ZFHX3: variants seen among roughly 807,000 people sequenced by gnomAD.
ZFHX3 encodes zinc finger homeobox 3.
Under a neutral mutation model 279.1 loss-of-function variants are expected in ZFHX3, and 42 were observed. The observed-to-expected ratio is 0.15, with a 90% CI of 0.12 to 0.19. ZFHX3 has a LOEUF of 0.19. Ranked by LOEUF, ZFHX3 falls within the 10% of genes least tolerant of loss-of-function variation. The pLI is 1.00. For missense variants in ZFHX3, 4,981 were observed against 4,754.0 expected, an observed-to-expected ratio of 1.05 and a Z score of -1.40; for synonymous variants, 2,293 against 1,957.8, an observed-to-expected ratio of 1.17 and a Z score of -4.52.
At chr16:72,922,057 G>T (rs887360218) in intron 3 of ZFHX3, among the ~76,000 whole-genome samples, 1 of 152,180 alleles carries the variant, frequency 6.6e-6, no homozygotes, top group Non-Finnish European at 1.5e-5. Context: ...CCTGCAGCAC[G>T]GTAGGCACGC....
chr16:73,107,989 G>A (rs575448211), intron 7 of ZFHX3, among the ~76,000 whole-genome samples: 2,032 of 152,152 alleles, frequency 0.013, 36 homozygotes, highest in African/African-American at 0.046. Context: ...GTGAAACCCA[G>A]TCTCTACTAA....
intron 1 of ZFHX3, among the ~76,000 whole-genome samples, chr16:73,786,138 TG>T (rs1959637752): frequency 1.3e-5 from 2 of 152,170 alleles, no homozygotes; most frequent in African/African-American, 4.8e-5. Context: ...CCCAAAGTGC[TG>T]GGATTACAGG....
intron 2 of ZFHX3, chr16:73,610,019 A>G (rs1277227576): frequency 1.3e-5 from 2 of 152,102 alleles, no homozygotes; most frequent in Non-Finnish European, 1.5e-5. Flanking sequence ...GATTCTGTGT[A>G]GTAGAGTTGA....
intron 3 of ZFHX3, among the ~76,000 whole-genome samples, chr16:72,930,664 A>G (rs1022693571): frequency 8.5e-5 from 13 of 152,360 alleles, no homozygotes; most frequent in Admixed American, 2.6e-4. Flanking sequence ...GCCACTGCCA[A>G]TAGTGAATAA....
intron 1 of ZFHX3, among the ~76,000 whole-genome samples, chr16:73,887,590 G>A (rs188464622): frequency 2.0e-5 from 3 of 152,226 alleles, no homozygotes; most frequent in Admixed American, 6.5e-5. Context: ...TTGTCAGATG[G>A]AATGAAGTGA....
intron 2 of ZFHX3, among the ~76,000 whole-genome samples, chr16:73,539,093 CTAAT>C (rs1422478268): frequency 6.6e-6 from 1 of 152,092 alleles, no homozygotes; most frequent in Non-Finnish European, 1.5e-5. Flanking sequence ...AAAACAGAAA[CTAAT>C]AGCCTATGTT....
At chr16:73,637,777 T>C (rs996501162) in intron 2 of ZFHX3, among the ~76,000 whole-genome samples, 1 of 152,170 alleles carries the variant, frequency 6.6e-6, no homozygotes, top group African/African-American at 2.4e-5. Context: ...AGTTTGCATA[T>C]TGCATAAAAG....
chr16:73,586,042 T>A (rs2051922419), intron 2 of ZFHX3, among the ~76,000 whole-genome samples: 2 of 152,052 alleles, frequency 1.3e-5, no homozygotes, highest in South Asian at 4.2e-4. Flanking sequence ...AATTCTAAAC[T>A]AAGAAAATAG....
At chr16:73,840,269 T>C (rs537842344) in intron 1 of ZFHX3, among the ~76,000 whole-genome samples, 1 of 152,042 alleles carries the variant, frequency 6.6e-6, no homozygotes, top group Non-Finnish European at 1.5e-5. Context: ...GGGGCAGGAA[T>C]CCACCCATGT....
chr16:72,958,058 C>G lies in ZFHX3; in HGVS notation c.2088G>C (p.Glu696Asp). 6.2e-7 allele frequency: 1 copy of G among 1,613,868 alleles called. No individual in the cohort carries two copies. Among genetic ancestry groups the G allele is most frequent in the Non-Finnish European group, 8.5e-7 (1 of 1,180,042 alleles). Residue 696 changes from glutamate (E) to aspartate (D), a missense_variant, in exon 2 of 10, where the codon GAG (glutamate) becomes GAC (aspartate). By Grantham distance (45) the Glu-to-Asp change is conservative. Around this residue, in one of 7 missense-constraint regions of ZFHX3, gnomAD observed 1,068 missense variants for 935.2 expected, o/e 1.14. Transcript: ENST00000268489. Reference sequence around the variant, plus strand: ...TGCAGTAGACACAGGAGCCCCCCGGCTCCGGGTGCTTCTCCTTCATGTGTG... The same window carrying G: ...TGCAGTAGACACAGGAGCCCCCCGGGTCCGGGTGCTTCTCCTTCATGTGTG... Reference protein sequence around the residue: ...LEAHMKEKHPEPGGSCVYCKS... With the variant: ...LEAHMKEKHPDPGGSCVYCKS...
chr16:73,650,664 T>C (rs1464014412), intron 2 of ZFHX3, among the ~76,000 whole-genome samples: 1 of 152,196 alleles, frequency 6.6e-6, no homozygotes, highest in Non-Finnish European at 1.5e-5. Context: ...AGCTAAGTAA[T>C]CACATTAGCT....
chr16:73,467,425 G>T (rs1362943692), intron 2 of ZFHX3, among the ~76,000 whole-genome samples: 1 of 152,148 alleles, frequency 6.6e-6, no homozygotes, highest in African/African-American at 2.4e-5. Flanking sequence ...GGGAAATGGG[G>T]GTTGAACAGA....
chr16:73,668,454 T>A (rs2052868151), intron 2 of ZFHX3, among the ~76,000 whole-genome samples: 1 of 152,094 alleles, frequency 6.6e-6, no homozygotes. Flanking sequence ...ATCCCTCACC[T>A]AGCCCCCCAC....
chr16:73,728,017 C>CCTG (rs1555535426), intron 1 of ZFHX3, among the ~76,000 whole-genome samples: 1 of 87,732 alleles, frequency 1.1e-5, no homozygotes, highest in Non-Finnish European at 2.1e-5. Context: ...CGAATTGTGC[C>CCTG]CCCCCCCCGC....
intron 2 of ZFHX3, among the ~76,000 whole-genome samples, chr16:73,589,528 G>T (rs1177702024): frequency 6.7e-6 from 1 of 150,100 alleles, no homozygotes; most frequent in East Asian, 2.0e-4. Flanking sequence ...TCAGGAGATC[G>T]AGACCATCCT....
At chr16:73,447,188 A>G (rs996931404) in intron 3 of ZFHX3, among the ~76,000 whole-genome samples, 2 of 151,938 alleles carry the variant, frequency 1.3e-5, no homozygotes, top group African/African-American at 4.8e-5. Flanking sequence ...CTCAAAAAAA[A>G]AAAAAAAAAT....
intron 1 of ZFHX3, among the ~76,000 whole-genome samples, chr16:73,752,338 G>A (rs1481593598): frequency 6.6e-6 from 1 of 152,136 alleles, no homozygotes; most frequent in African/African-American, 2.4e-5. Context: ...TCTTTTGGCT[G>A]AAACCCAACT....
Position 72,797,293 on chromosome 16 carries a change from G to T in ZFHX3, c.5389C>A (p.Leu1797Ile). Residue 1797 changes from leucine to isoleucine, a missense_variant, in exon 9 of 10, where the codon CTC (leucine) becomes ATC (isoleucine). Leu to Ile is a conservative substitution (Grantham distance 5). Around this residue, in one of 7 missense-constraint regions of ZFHX3, gnomAD observed 1,751 missense variants for 1,770.0 expected, o/e 0.99. Coordinates refer to ENST00000268489, the MANE Select transcript of ZFHX3 (RefSeq NM_006885.4). ...GCACTGGGGATGTAGAAAGGGAAGA[G>T]GAGGTGCTGCTGCTGCTGTAGTTGC... ...LLQLQQQQHL[L>I]FPFYIPSAEF... 3.1e-6 allele frequency: 5 copies of T among 1,608,752 alleles called. No homozygotes were observed. The highest frequency in any genetic ancestry group is 4.2e-6 in the Non-Finnish European group (5 of 1,176,764).
intron 3 of ZFHX3, among the ~76,000 whole-genome samples, chr16:73,368,550 G>A (rs187519802): frequency 5.3e-4 from 81 of 152,262 alleles, no homozygotes; most frequent in African/African-American, 1.1e-3. Context: ...TATGATAAAT[G>A]CTAAAGTGGG....
Sources: gnomAD v4.1 joint callset for allele counts (sites outside exome capture counted in the v4.1 genomes callset) on GRCh38, gnomAD v4.1.1 for gene constraint, gnomAD v4.1.1 regional missense constraint, MANE v1.5 for transcripts, NCBI Gene and HGNC (gene_info 2026-07-23, HGNC 2026-07-21) for gene names.